Variants in NIPBL observed in about 807,000 individuals in gnomAD.
NIPBL encodes NIPBL cohesin loading factor.
Under a neutral mutation model 321.8 loss-of-function variants are expected in NIPBL, and 19 were observed. That is an observed-to-expected ratio of 0.06 (90% CI 0.04 to 0.09). The LOEUF (loss-of-function observed/expected upper bound fraction) is 0.09, where lower values mean the gene tolerates loss of function less well. NIPBL is among the 10% of genes least tolerant of loss of function. NIPBL has a pLI of 1.00. For missense variants in NIPBL, 2,210 were observed against 3,327.0 expected (o/e 0.66, Z 8.26); for synonymous variants, 1,106 against 1,114.1 (o/e 0.99, Z 0.14).
At chr5:36,912,885 T>G (rs1188154917) in intron 1 of NIPBL, among the ~76,000 whole-genome samples, 2 of 152,212 alleles carry the variant, frequency 1.3e-5, no homozygotes, top group African/African-American at 2.4e-5. Context: ...TTTCTATTAT[T>G]GTTTTTATTA....
chr5:37,045,924 C>T (rs1248062462), intron 37 of NIPBL, among the ~76,000 whole-genome samples, 185 bp from the exon 38 acceptor site: 1 of 152,172 alleles, frequency 6.6e-6, no homozygotes, highest in Non-Finnish European at 1.5e-5. Flanking sequence ...CATTCCGAAA[C>T]AAGCTTCTTT....
chr5:36,951,341 A>G (rs1252889834), intron 1 of NIPBL, among the ~76,000 whole-genome samples: 1 of 152,002 alleles, frequency 6.6e-6, no homozygotes, highest in Non-Finnish European at 1.5e-5. Context: ...CTAGCATATT[A>G]CTCTCTTTAG....
At chr5:37,025,136 C>G (rs1342430167) in intron 30 of NIPBL, among the ~76,000 whole-genome samples, 1 of 152,046 alleles carries the variant, frequency 6.6e-6, no homozygotes, top group Non-Finnish European at 1.5e-5. Flanking sequence ...GCCTATAGTT[C>G]CAGCTACTCT....
chr5:36,947,549 A>G (rs1245998539), intron 1 of NIPBL, among the ~76,000 whole-genome samples: 2 of 152,064 alleles, frequency 1.3e-5, no homozygotes, highest in African/African-American at 4.8e-5. Context: ...TAAAGTGTTT[A>G]TGAATATACC....
chr5:36,879,247 A>G (rs1745329927), intron 1 of NIPBL, among the ~76,000 whole-genome samples: 1 of 152,216 alleles, frequency 6.6e-6, no homozygotes, highest in African/African-American at 2.4e-5. Flanking sequence ...TCTTATGCAG[A>G]TGTTTGAATA....
chr5:36,964,121 C>T (rs1007445093), intron 6 of NIPBL, among the ~76,000 whole-genome samples: 1 of 152,094 alleles, frequency 6.6e-6, no homozygotes, highest in Admixed American at 6.6e-5. Context: ...AAAAACCATA[C>T]TCAGGGATTA....
chr5:36,929,872 G>C (rs879783018), intron 1 of NIPBL, among the ~76,000 whole-genome samples: 1 of 151,912 alleles, frequency 6.6e-6, no homozygotes, highest in Admixed American at 6.6e-5. Flanking sequence ...GGGCATCTTT[G>C]TGAAAAATCT....
intron 31 of NIPBL, among the ~76,000 whole-genome samples, chr5:37,026,889 C>CT (rs1750335767): frequency 7.2e-6 from 1 of 138,706 alleles, no homozygotes; most frequent in Non-Finnish European, 1.5e-5. Flanking sequence ...CCAGCCTGGG[C>CT]AATATAATAG....
Position 37,010,240 on chromosome 5 carries a change from A to G in NIPBL, c.4560+15A>G, listed in dbSNP as rs1308219933. Reference sequence around the variant, plus strand: ...CAAATAAAAAAGTAAGGAATCTATTAAAGGTTTTACAACTGTACTTTTATT... The same window carrying G: ...CAAATAAAAAAGTAAGGAATCTATTGAAGGTTTTACAACTGTACTTTTATT... On this transcript the variant is annotated intron_variant, in intron 21 of 46. Coordinates refer to ENST00000282516, the MANE Select transcript of NIPBL (RefSeq NM_133433.4). 6.3e-7 allele frequency: 1 copy of G among 1,575,834 alleles called. No individual in the cohort carries two copies.
At chr5:37,028,415 A>G (rs1750573678) in intron 32 of NIPBL, among the ~76,000 whole-genome samples, 1 of 137,750 alleles carries the variant, frequency 7.3e-6, no homozygotes, top group Admixed American at 8.5e-5. Context: ...TGGCCGGCTC[A>G]CTGCAACCTC....
chr5:37,037,345 G>A (rs1056625686), intron 33 of NIPBL, among the ~76,000 whole-genome samples: 4 of 150,138 alleles, frequency 2.7e-5, no homozygotes, highest in South Asian at 2.1e-4. Flanking sequence ...CCAAGATCAC[G>A]CCACTGCACT....
chr5:37,023,750 CTTTTTTT>C (rs779595045), intron 29 of NIPBL, among the ~76,000 whole-genome samples: 5 of 75,874 alleles, frequency 6.6e-5, no homozygotes, highest in Admixed American at 1.3e-4. Context: ...TTTTCTTATT[CTTTTTTT>C]TTTTTTTTTT....
chr5:36,910,396 C>A (rs917315274), intron 1 of NIPBL, among the ~76,000 whole-genome samples: 1 of 152,168 alleles, frequency 6.6e-6, no homozygotes, highest in Non-Finnish European at 1.5e-5. Flanking sequence ...ATAAGCAGCA[C>A]TATCATCATG....
chr5:37,014,135 G>A (rs1269126470), intron 21 of NIPBL, among the ~76,000 whole-genome samples: 1 of 152,212 alleles, frequency 6.6e-6, no homozygotes, highest in African/African-American at 2.4e-5. Context: ...CAGGGAGGTT[G>A]CAGTGAGCCG....
rs747682655 is a variant in NIPBL at position 37,049,182 on chromosome 5, A to G, written c.6835A>G (p.Met2279Val). 1 of 1,614,184 alleles carries G rather than the reference A, an allele frequency of 6.2e-7. No individual in the cohort carries two copies. Among genetic ancestry groups the G allele is most frequent in the East Asian group, 2.2e-5 (1 of 44,878 alleles). Residue 2279 changes from methionine to valine, a missense_variant, in exon 40 of 47, where the codon ATG becomes GTG. Met to Val is a conservative substitution (Grantham distance 21). This residue lies in a region of NIPBL where 112 missense variants were observed against 288.3 expected (regional missense o/e 0.39). Coordinates refer to ENST00000282516, the MANE Select transcript of NIPBL (RefSeq NM_133433.4). ...TTCCTCAGGGATGAGTAGTTCCATC[A>G]TGCAGCTTTATCTCAAACAGGTGCT... ...DVSSGMSSSI[M>V]QLYLKQVLEA...
At chr5:36,965,909 G>A (rs1043192407) in intron 6 of NIPBL, among the ~76,000 whole-genome samples, 1 of 152,054 alleles carries the variant, frequency 6.6e-6, no homozygotes, top group South Asian at 2.1e-4. Context: ...TTAGACTATT[G>A]AGAAAGGTTG....
intron 1 of NIPBL, among the ~76,000 whole-genome samples, chr5:36,939,292 C>T (rs1020797351): frequency 1.3e-5 from 2 of 152,196 alleles, no homozygotes; most frequent in Non-Finnish European, 2.9e-5. Context: ...TGAGCCACTG[C>T]GTCTGGCCCA....
At chr5:36,973,484 T>C (rs988282229) in intron 8 of NIPBL, among the ~76,000 whole-genome samples, 3 of 152,172 alleles carry the variant, frequency 2.0e-5, no homozygotes, top group Admixed American at 6.5e-5. Context: ...TTTCTTTCTT[T>C]TGAGACAGAG....
chr5:36,968,495 G>A (rs1742489530), intron 6 of NIPBL, among the ~76,000 whole-genome samples: 1 of 152,098 alleles, frequency 6.6e-6, no homozygotes, highest in African/African-American at 2.4e-5. Context: ...GGTTAGCCTG[G>A]GAGGCGGAGC....
Sources: gnomAD v4.1 joint callset for allele counts (sites outside exome capture counted in the v4.1 genomes callset) on GRCh38, gnomAD v4.1.1 for gene constraint, gnomAD v4.1.1 regional missense constraint, MANE v1.5 for transcripts, NCBI Gene and HGNC (gene_info 2026-07-23, HGNC 2026-07-21) for gene names.